Variants in CFAP47 observed in about 807,000 individuals in gnomAD.
CFAP47 encodes the protein cilia and flagella associated protein 47, also known as cilia- and flagella-associated protein 47.
Under a neutral mutation model 148.1 loss-of-function variants are expected in CFAP47, and 29 were observed. The observed-to-expected ratio is 0.20, with a 90% confidence interval of 0.15 to 0.27. The LOEUF (loss-of-function observed/expected upper bound fraction) is 0.27, where lower values mean the gene tolerates loss of function less well. Among genes scored for constraint, CFAP47 ranks in the 10% least tolerant of loss-of-function variants. The pLI, the probability that CFAP47 is intolerant of heterozygous loss-of-function variation, is 1.00. For missense variants in CFAP47, 1,872 were observed against 1,697.5 expected, an observed-to-expected ratio of 1.10 and a Z score of -1.81; for synonymous variants, 664 against 577.3, an observed-to-expected ratio of 1.15 and a Z score of -2.15.
At chrX:35,937,987 T>A (rs749324085) in intron 2 of CFAP47, among the ~76,000 whole-genome samples, 6 of 112,010 alleles carry the variant, frequency 5.4e-5, no homozygotes, top group Non-Finnish European at 9.4e-5. Context: ...TTTTTTTATG[T>A]GTCTCCCAAA....
intron 48 of CFAP47, among the ~76,000 whole-genome samples, chrX:36,248,411 ATT>A (rs1415929791): frequency 3.8e-5 from 4 of 104,703 alleles, no homozygotes; most frequent in Non-Finnish European, 7.8e-5. Context: ...TATATTATAT[ATT>A]ATGATATATT....
chrX:36,309,672 T>C (rs1211682072), intron 55 of CFAP47, among the ~76,000 whole-genome samples: 1 of 111,094 alleles, frequency 9.0e-6, no homozygotes, highest in Non-Finnish European at 1.9e-5. Context: ...ACCTTCTTTT[T>C]GTCACTTGGC....
intron 45 of CFAP47, among the ~76,000 whole-genome samples, chrX:36,217,456 C>T (rs957660782): frequency 7.2e-5 from 8 of 110,977 alleles, no homozygotes; most frequent in Non-Finnish European, 1.1e-4. Flanking sequence ...TTTCTCTATG[C>T]GACTCCCCTT....
intron 33 of CFAP47, among the ~76,000 whole-genome samples, chrX:36,127,003 A>G (rs1938851765): frequency 8.9e-6 from 1 of 112,368 alleles, no homozygotes; most frequent in African/African-American, 3.2e-5. Flanking sequence ...GACCTTTGTC[A>G]GATGGATAGA....
chrX:36,168,953 G>T (rs1462154910), intron 39 of CFAP47, among the ~76,000 whole-genome samples: 1 of 111,496 alleles, frequency 9.0e-6, no homozygotes, highest in East Asian at 2.8e-4. Flanking sequence ...CTTTACTTTA[G>T]AATATCTTTT....
chrX:36,248,134 TTATCA>T (rs1940641065), intron 48 of CFAP47, among the ~76,000 whole-genome samples: 1 of 106,808 alleles, frequency 9.4e-6, no homozygotes, highest in Admixed American at 1.0e-4. Context: ...TGTATATATA[TTATCA>T]TATATTATAC....
At chrX:35,993,438 A>G in intron 18 of CFAP47, 117 bp downstream of exon 18, 1 of 267,953 alleles carries the variant, frequency 3.7e-6, no homozygotes, top group Non-Finnish European at 6.6e-6. Context: ...CATGTTTATT[A>G]TTAGAAAACT....
At chrX:36,013,205 A>G (rs1198238561) in intron 21 of CFAP47, among the ~76,000 whole-genome samples, 1 of 110,624 alleles carries the variant, frequency 9.0e-6, no homozygotes, top group African/African-American at 3.3e-5. Context: ...TTTGATGCAG[A>G]CTCTGTGTTT....
Position 36,052,708 on chromosome X carries a change from T to A in CFAP47, c.4217+5645T>A, listed in dbSNP as rs1415444336. ...AACAACTTTTGCTGCATAATAAAGC[T>A]TCTTATACTTACTCTCATTGACAAT... On this transcript the variant is annotated intron_variant, in intron 26 of 63. Transcript: ENST00000378653. 6.2e-5 allele frequency among the ~76,000 whole-genome samples: 7 copies of A among 112,520 alleles called. No individual in the cohort carries two copies. The East Asian group carries it at 1.9e-3, about 31-fold the overall frequency.
At chrX:36,322,114 T>A (rs1304036915) in intron 57 of CFAP47, among the ~76,000 whole-genome samples, 2 of 111,171 alleles carry the variant, frequency 1.8e-5, no homozygotes, top group African/African-American at 6.5e-5. Context: ...GAATAATAAT[T>A]ATTATTTTGT....
intron 33 of CFAP47, among the ~76,000 whole-genome samples, chrX:36,116,531 A>G (rs182469736): frequency 1.4e-3 from 158 of 112,569 alleles, no homozygotes; most frequent in Non-Finnish European, 3.4e-4. Context: ...GTCAGAGAAT[A>G]AACTGATTAG....
intron 26 of CFAP47, among the ~76,000 whole-genome samples, chrX:36,051,521 T>G (rs957612728): frequency 8.9e-6 from 1 of 111,962 alleles, no homozygotes; most frequent in South Asian, 3.7e-4. Flanking sequence ...GTAGCCCCTT[T>G]GTTTTGGCTA....
intron 26 of CFAP47, among the ~76,000 whole-genome samples, chrX:36,053,145 A>C (rs1271840231): frequency 8.9e-6 from 1 of 111,959 alleles, no homozygotes; most frequent in Non-Finnish European, 1.9e-5. Flanking sequence ...TTGAATATAT[A>C]TTTAAATTAA....
intron 46 of CFAP47, among the ~76,000 whole-genome samples, chrX:36,229,818 T>A (rs1188881004): frequency 7.6e-5 from 7 of 91,575 alleles, no homozygotes; most frequent in African/African-American, 2.8e-4. Flanking sequence ...TGTCCATGTG[T>A]TCTCATTGTT....
chrX:36,211,653 A>G (rs1489184676), intron 45 of CFAP47: 2 of 206,606 alleles, frequency 9.7e-6, no homozygotes, highest in Admixed American at 5.9e-5. Flanking sequence ...AAGGTTGAAA[A>G]CAGTAAGAAA....
chrX:36,263,768 G>A (rs1940857090), intron 49 of CFAP47, among the ~76,000 whole-genome samples: 3 of 111,609 alleles, frequency 2.7e-5, no homozygotes, highest in South Asian at 3.8e-4. Flanking sequence ...AGCCCCTGTG[G>A]CCATGCTGGT....
intron 16 of CFAP47, chrX:35,990,221 G>T (rs1048534076): frequency 9.0e-6 from 1 of 110,913 alleles, no homozygotes; most frequent in African/African-American, 3.3e-5. Context: ...CAATTACCTG[G>T]ATAATATTCT....
intron 37 of CFAP47, among the ~76,000 whole-genome samples, chrX:36,153,293 C>A (rs1019435337): frequency 5.4e-5 from 6 of 111,945 alleles, no homozygotes; most frequent in Non-Finnish European, 1.1e-4. Context: ...CTAAACAGGA[C>A]AAATAACATT....
At chrX:36,071,468 G>A (rs189631887) in intron 27 of CFAP47, among the ~76,000 whole-genome samples, 16 of 112,186 alleles carry the variant, frequency 1.4e-4, no homozygotes, top group African/African-American at 4.2e-4. Context: ...TTTGAACAGC[G>A]TATGTAATAA....
Sources: gnomAD v4.1 joint callset for allele counts (sites outside exome capture counted in the v4.1 genomes callset) on GRCh38, gnomAD v4.1.1 for gene constraint, MANE v1.5 for transcripts, NCBI Gene and HGNC (gene_info 2026-07-23, HGNC 2026-07-21) for gene names.